Variants in SLC2A9 observed in about 807,000 individuals in gnomAD.
SLC2A9 encodes the protein solute carrier family 2 member 9, also known as solute carrier family 2, facilitated glucose transporter member 9.
SLC2A9 carries 39 observed loss-of-function variants against 50.6 expected under a neutral mutation model. The ratio of observed to expected loss-of-function variants is 0.77; its 90% CI spans 0.60 to 1.01. The LOEUF is 1.01. Ranked by LOEUF, SLC2A9 falls within the 50% of genes least tolerant of loss-of-function variation. The pLI, the probability that SLC2A9 is intolerant of heterozygous loss-of-function variation, is 0.00. For synonymous variants in SLC2A9, 324 were observed against 276.9 expected (o/e 1.17, Z -1.69); for missense variants, 686 against 677.6 (o/e 1.01, Z -0.14).
intron 1 of SLC2A9, among the ~76,000 whole-genome samples, chr4:10,028,005 C>G (rs1047483432): frequency 2.0e-5 from 3 of 152,294 alleles, no homozygotes; most frequent in Admixed American, 2.0e-4. Flanking sequence ...ACTTCCAGAG[C>G]CTGGATCTGC....
At chr4:9,888,272 C>T (rs4697906) in intron 9 of SLC2A9, among the ~76,000 whole-genome samples, 31 of 146,764 alleles carry the variant, frequency 2.1e-4, no homozygotes, top group East Asian at 1.6e-3. Flanking sequence ...TATATATATA[C>T]ATATATATAT....
downstream of SLC2A9, among the ~76,000 whole-genome samples, chr4:9,823,927 T>A (rs986782301): frequency 4.0e-5 from 6 of 151,766 alleles, no homozygotes; most frequent in Non-Finnish European, 7.4e-5. Context: ...GTTGGGGGAG[T>A]GAAGGATATG....
chr4:9,955,980 C>A (rs1031142324), intron 5 of SLC2A9, among the ~76,000 whole-genome samples: 6 of 141,928 alleles, frequency 4.2e-5, no homozygotes, highest in East Asian at 2.2e-4. Context: ...CATGTTCAAG[C>A]GATTCTCCTG....
At chr4:9,880,846 C>A (rs56358669) in intron 10 of SLC2A9, among the ~76,000 whole-genome samples, 18,446 of 152,208 alleles carry the variant, frequency 0.12, 1,312 homozygotes, top group African/African-American at 0.17. Flanking sequence ...TCCCAGATAA[C>A]TGCCCTGGGC....
intron 3 of SLC2A9, among the ~76,000 whole-genome samples, chr4:9,792,567 T>C (rs1379637756): frequency 1.3e-5 from 2 of 152,136 alleles, no homozygotes; most frequent in African/African-American, 2.4e-5. Flanking sequence ...GAGTAATTAT[T>C]AGTGTCCCTG....
At chr4:9,786,177 C>G (rs1719194406) in intron 3 of SLC2A9, among the ~76,000 whole-genome samples, 1 of 152,148 alleles carries the variant, frequency 6.6e-6, no homozygotes, top group African/African-American at 2.4e-5. Flanking sequence ...CCAGCCTGAG[C>G]TGGGTACACA....
intron 2 of SLC2A9, among the ~76,000 whole-genome samples, chr4:10,008,916 TTC>T (rs1303559354): frequency 5.3e-5 from 8 of 151,492 alleles, no homozygotes; most frequent in African/African-American, 1.2e-4. Context: ...TTTTTTTTTT[TTC>T]CTAATGGAAG....
intron 1 of SLC2A9, chr4:10,019,410 C>G (rs1384760201): frequency 7.5e-6 from 3 of 398,858 alleles, no homozygotes; most frequent in African/African-American, 2.0e-5. Flanking sequence ...CCGACCCAGA[C>G]AGAAAAAAGC....
At chr4:9,888,586 G>A (rs1218959585) in intron 9 of SLC2A9, among the ~76,000 whole-genome samples, 1 of 152,054 alleles carries the variant, frequency 6.6e-6, no homozygotes, top group East Asian at 1.9e-4. Flanking sequence ...GGCTGCCCCA[G>A]GAGAGGCCAC....
rs184937108 is a variant in SLC2A9 at position 9,982,927 on chromosome 4, T to C, written c.536-2190A>G. On this transcript the variant is annotated intron_variant, in intron 4 of 11. Transcript: ENST00000264784. ...TAACGTTGCCCAGACGGGAGTGCAA[T>C]GGGTGATCTCGGCTCACCGCAACCT... 2.6e-3 allele frequency among the ~76,000 whole-genome samples: 389 copies of C among 152,308 alleles called. 6 individuals carry two copies. The highest frequency in any genetic ancestry group is 9.1e-3 in the African/African-American group (380 of 41,562).
chr4:9,989,239 G>A (rs938565319), intron 3 of SLC2A9, among the ~76,000 whole-genome samples: 2 of 152,044 alleles, frequency 1.3e-5, no homozygotes, highest in African/African-American at 4.8e-5. Context: ...CTGTCTACTG[G>A]GCATCTACAA....
intron 5 of SLC2A9, among the ~76,000 whole-genome samples, chr4:9,957,609 A>G (rs6844787): frequency 0.48 from 73,458 of 152,032 alleles, 19,112 homozygotes; most frequent in African/African-American, 0.67. Flanking sequence ...AGTTGTAAAT[A>G]TTATATCTAA....
intron 3 of SLC2A9, among the ~76,000 whole-genome samples, chr4:9,811,497 T>C (rs750040095): frequency 2.6e-5 from 4 of 152,102 alleles, no homozygotes; most frequent in Non-Finnish European, 5.9e-5. Flanking sequence ...CTAGGGACCA[T>C]ATTGAGAGAA....
intron 2 of SLC2A9, among the ~76,000 whole-genome samples, chr4:10,000,189 T>G (rs1759523016): frequency 1.3e-5 from 2 of 152,222 alleles, no homozygotes; most frequent in Non-Finnish European, 2.9e-5. Context: ...CAGCTATTTC[T>G]ATCGATGATG....
At chr4:10,005,301 C>T (rs1560474599) in intron 2 of SLC2A9, among the ~76,000 whole-genome samples, 1 of 152,102 alleles carries the variant, frequency 6.6e-6, no homozygotes, top group Non-Finnish European at 1.5e-5. Flanking sequence ...GTGCAGAAAC[C>T]GGAGACCACA....
chr4:9,973,269 A>G (rs1412016172), intron 5 of SLC2A9, among the ~76,000 whole-genome samples: 1 of 152,184 alleles, frequency 6.6e-6, no homozygotes, highest in Non-Finnish European at 1.5e-5. Flanking sequence ...CCTGAACAGA[A>G]CAATATCAAG....
intron 2 of SLC2A9, among the ~76,000 whole-genome samples, chr4:10,000,290 GAC>G (rs1759549817): frequency 6.6e-6 from 1 of 152,178 alleles, no homozygotes; most frequent in Non-Finnish European, 1.5e-5. Context: ...CCCTGAGCTA[GAC>G]ACAGAGATAA....
intron 5 of SLC2A9, among the ~76,000 whole-genome samples, chr4:9,946,353 T>A (rs1255057229): frequency 6.6e-6 from 1 of 152,230 alleles, no homozygotes; most frequent in East Asian, 1.9e-4. Context: ...AATATCATCC[T>A]GGACTATGAT....
chr4:10,002,119 CA>C (rs975388892), intron 2 of SLC2A9, among the ~76,000 whole-genome samples: 9 of 152,194 alleles, frequency 5.9e-5, no homozygotes, highest in Non-Finnish European at 1.5e-5. Context: ...GCGGTGCAGT[CA>C]ATGGCAGTGG....
Sources: allele counts gnomAD v4.1 joint callset (sites outside exome capture counted in the v4.1 genomes callset), GRCh38; gene constraint gnomAD v4.1.1; transcripts MANE v1.5; gene names NCBI Gene and HGNC (gene_info 2026-07-23, HGNC 2026-07-21).